DNAJC3: variants seen among roughly 807,000 people sequenced by gnomAD.
The protein encoded by DNAJC3 is DnaJ heat shock protein family (Hsp40) member C3.
In DNAJC3, 38 loss-of-function variants were observed where a neutral mutation model predicts 68.6. That is an observed-to-expected ratio of 0.55 (90% CI 0.43 to 0.73). DNAJC3 has a LOEUF of 0.73. DNAJC3 is among the 30% of genes least tolerant of loss of function. The pLI is 0.00. For synonymous variants in DNAJC3, 203 were observed against 204.0 expected (o/e 1.00, Z 0.04); for missense variants, 526 against 591.9 (o/e 0.89, Z 1.16).
chr13:95,755,850 C>G (rs1222117155), intron 4 of DNAJC3, among the ~76,000 whole-genome samples: 2 of 150,686 alleles, frequency 1.3e-5, no homozygotes, highest in African/African-American at 4.9e-5. Context: ...AACTCTCAGG[C>G]TTCTAAGGAA....
chr13:95,680,779 A>G (rs1879890275), intron 1 of DNAJC3, among the ~76,000 whole-genome samples: 1 of 151,024 alleles, frequency 6.6e-6, no homozygotes. Flanking sequence ...TTTAATTTCT[A>G]CTGCTGTGGT....
At chr13:95,756,468 A>G (rs1882664533) in intron 4 of DNAJC3, among the ~76,000 whole-genome samples, 1 of 152,252 alleles carries the variant, frequency 6.6e-6, no homozygotes, top group East Asian at 1.9e-4. Context: ...AAAATAGAAT[A>G]GCTAAAATAT....
At chr13:95,725,848 C>T (rs1259911971) in intron 4 of DNAJC3, among the ~76,000 whole-genome samples, 3 of 131,048 alleles carry the variant, frequency 2.3e-5, no homozygotes, top group Non-Finnish European at 1.6e-5. Flanking sequence ...CAACAGTCCC[C>T]GGAGTGTGAT....
chr13:95,691,126 G>A lies in DNAJC3; in HGVS notation c.82+13789G>A, dbSNP rs371363402. ...GCGCCCCTCACTTCCCAGACGGAGC[G>A]GCTGGCCGGGCAGGGGGCTGACCCC... On this transcript the variant is annotated intron_variant, in intron 1 of 11. Coordinates refer to ENST00000602402, the MANE Select transcript of DNAJC3 (RefSeq NM_006260.5). Among the ~76,000 whole-genome samples, 471 of 149,346 alleles carry A rather than the reference G, an allele frequency of 3.2e-3. 1 individual carries two copies. Among genetic ancestry groups the A allele is most frequent in the South Asian group, 0.017 (79 of 4,644 alleles).
chr13:95,686,499 GT>G (rs1880077372), intron 1 of DNAJC3, among the ~76,000 whole-genome samples: 2 of 152,122 alleles, frequency 1.3e-5, no homozygotes, highest in Non-Finnish European at 2.9e-5. Context: ...GTCATAAGTT[GT>G]TTGCCTAGGC....
chr13:95,766,681 C>T (rs1883001286), intron 9 of DNAJC3, among the ~76,000 whole-genome samples: 1 of 151,096 alleles, frequency 6.6e-6, no homozygotes, highest in Non-Finnish European at 1.5e-5. Context: ...TTGAGTCTGG[C>T]TTTGTGCAGT....
intron 1 of DNAJC3, among the ~76,000 whole-genome samples, chr13:95,697,789 T>G (rs1336365798): frequency 1.4e-5 from 2 of 145,542 alleles, no homozygotes; most frequent in African/African-American, 5.3e-5. Context: ...TCAAGAAGTT[T>G]TTTTTTTTTT....
chr13:95,734,294 G>A (rs1048871229), intron 4 of DNAJC3, among the ~76,000 whole-genome samples: 2 of 152,300 alleles, frequency 1.3e-5, no homozygotes, highest in East Asian at 1.9e-4. Context: ...TTTGCTGGGT[G>A]TAGTATTGTT....
chr13:95,740,670 T>C (rs1882107724), intron 4 of DNAJC3, among the ~76,000 whole-genome samples: 1 of 152,200 alleles, frequency 6.6e-6, no homozygotes, highest in African/African-American at 2.4e-5. Context: ...CTGCTTCGGC[T>C]CGCGCACGGT....
At chr13:95,683,160 T>C (rs758872005) in intron 1 of DNAJC3, among the ~76,000 whole-genome samples, 3 of 152,150 alleles carry the variant, frequency 2.0e-5, no homozygotes, top group Non-Finnish European at 2.9e-5. Context: ...AACAATACAG[T>C]GTGAGGGAAG....
chr13:95,691,133 C>T (rs374513555), intron 1 of DNAJC3, among the ~76,000 whole-genome samples: 13 of 146,374 alleles, frequency 8.9e-5, no homozygotes, highest in East Asian at 8.5e-4. Flanking sequence ...AGCGGCTGGC[C>T]GGGCAGGGGG....
intron 1 of DNAJC3, among the ~76,000 whole-genome samples, chr13:95,683,481 C>T (rs965893534): frequency 6.6e-6 from 1 of 152,204 alleles, no homozygotes; most frequent in Non-Finnish European, 1.5e-5. Context: ...TATCTCCCCC[C>T]TCTCTGTCTT....
At chr13:95,787,957 G>A (rs1883653840) in intron 11 of DNAJC3, among the ~76,000 whole-genome samples, 1 of 152,164 alleles carries the variant, frequency 6.6e-6, no homozygotes, top group Non-Finnish European at 1.5e-5. Flanking sequence ...CCATGTCAGT[G>A]GGAACAGCAG....
chr13:95,770,868 A>G (rs1373734373), intron 9 of DNAJC3, among the ~76,000 whole-genome samples: 2 of 152,224 alleles, frequency 1.3e-5, no homozygotes, highest in Non-Finnish European at 2.9e-5. Context: ...ATGAATATGC[A>G]TAAAACGTAG....
chr13:95,785,588 A>C (rs1189617838), intron 9 of DNAJC3, among the ~76,000 whole-genome samples: 1 of 149,368 alleles, frequency 6.7e-6, no homozygotes, highest in Non-Finnish European at 1.5e-5. Flanking sequence ...CCTCCCGAGT[A>C]GCTGGGACTA....
chr13:95,683,205 CT>C (rs930417265), intron 1 of DNAJC3, among the ~76,000 whole-genome samples: 4 of 151,590 alleles, frequency 2.6e-5, no homozygotes, highest in South Asian at 2.1e-4. Context: ...AGGGCAGAAT[CT>C]TTTTTTTTGT....
intron 6 of DNAJC3, 80 bp from the exon 7 acceptor site, chr13:95,760,599 C>T (rs1451918634): frequency 2.0e-6 from 3 of 1,516,636 alleles, no homozygotes; most frequent in Non-Finnish European, 2.6e-6. Flanking sequence ...ACAAAAAATA[C>T]TTTTATTGTG....
At chr13:95,684,904 C>G (rs778624999) in intron 1 of DNAJC3, among the ~76,000 whole-genome samples, 37 of 152,260 alleles carry the variant, frequency 2.4e-4, no homozygotes, top group Non-Finnish European at 4.3e-4. Flanking sequence ...GAGCCTCAGC[C>G]TAGATTTCAG....
At chr13:95,740,165 C>T (rs1001711812) in intron 4 of DNAJC3, among the ~76,000 whole-genome samples, 5 of 152,212 alleles carry the variant, frequency 3.3e-5, no homozygotes, top group East Asian at 1.9e-4. Context: ...GCAGTCTACC[C>T]GTTCTCAGAT....
Sources: gnomAD v4.1 joint callset for allele counts (sites outside exome capture counted in the v4.1 genomes callset) on GRCh38, gnomAD v4.1.1 for gene constraint, MANE v1.5 for transcripts, NCBI Gene and HGNC (gene_info 2026-07-23, HGNC 2026-07-21) for gene names.